CARD14: variants seen among roughly 807,000 people sequenced by gnomAD.
The protein encoded by CARD14 is caspase recruitment domain family member 14, also known as caspase recruitment domain-containing protein 14.
In CARD14, 107 loss-of-function variants were observed where a neutral mutation model predicts 111.5. The ratio of observed to expected loss-of-function variants is 0.96; its 90% CI spans 0.82 to 1.13. The LOEUF (loss-of-function observed/expected upper bound fraction) is 1.13, where lower values mean the gene tolerates loss of function less well. Among genes scored for constraint, CARD14 ranks in the 50% most tolerant of loss-of-function variants. The probability of loss-of-function intolerance (pLI) is 0.00; values close to 1 mark genes in which losing one functional copy is unlikely to be tolerated. For missense variants in CARD14, 1,322 were observed against 1,362.3 expected, an observed-to-expected ratio of 0.97 and a Z score of 0.47; for synonymous variants, 617 against 579.6, an observed-to-expected ratio of 1.06 and a Z score of -0.93.
At chr17:80,170,567 G>A (rs1375363607) in intron 1 of CARD14, 1 of 152,180 alleles carries the variant, frequency 6.6e-6, no homozygotes, top group Non-Finnish European at 1.5e-5. Context: ...GTGTGCGTGT[G>A]TGTATGTGTA....
Position 80,192,628 on chromosome 17 carries a change from G to A in CARD14, c.1356+9G>A, listed in dbSNP as rs753179047. 104 of 1,598,712 alleles carry A rather than the reference G, an allele frequency of 6.5e-5. No individual in the cohort carries two copies. Among genetic ancestry groups the A allele is most frequent in the Non-Finnish European group, 7.9e-5 (92 of 1,168,272 alleles). ...TCGTCAGCTCCACAGAGGTACGGCC[G>A]CTCCTCCCGCCTCCCTCACTGCCTT... On this transcript the variant is annotated intron_variant, in intron 12 of 23. Coordinates refer to ENST00000648509, the MANE Select transcript of CARD14 (RefSeq NM_001366385.1).
Position 80,205,600 on chromosome 17 carries a change from C to T in CARD14, c.2639C>T (p.Ser880Phe). ...GACATCATCCAGGAGGGAGAGGTGT[C>T]CGGGGGCCGCTGCTGGGTGACCCGC... ...RGDIIQEGEV[S>F]GGRCWVTRHA... Residue 880 changes from serine to phenylalanine, a missense_variant, in exon 22 of 24, where the codon TCC (serine) becomes TTC (phenylalanine). Transcript: ENST00000648509. 1.3e-6 allele frequency: 2 copies of T among 1,568,958 alleles called. No individual in the cohort carries two copies. Among genetic ancestry groups the T allele is most frequent in the Non-Finnish European group, 1.7e-6 (2 of 1,156,288 alleles).
rs1174334676 is a variant in CARD14, at chr17:80,205,138, CA to C, written c.2503del (p.Arg835GlyfsTer7). 1 of 1,613,722 alleles carries C rather than the reference CA, an allele frequency of 6.2e-7. No individual in the cohort carries two copies. The highest frequency in any genetic ancestry group is 1.3e-5 in the African/African-American group (1 of 74,928). ...ARPRPVLLVP[R>X]AVGKILSEKL... ...GGCCCCGGCCTGTGCTCCTCGTGCC[CA>C]GGGCGGTTGGGAAGATCCTGAGCGA... On this transcript the variant is annotated frameshift_variant, in exon 21 of 24. Coordinates refer to ENST00000648509, the MANE Select transcript of CARD14 (RefSeq NM_001366385.1). LOFTEE classifies it high-confidence loss of function.
intron 7 of CARD14, among the ~76,000 whole-genome samples, chr17:80,186,208 C>T (rs983968298): frequency 3.3e-5 from 5 of 152,106 alleles, no homozygotes; most frequent in African/African-American, 1.2e-4. Context: ...TTCCCTTCTC[C>T]CTTGGCTGAC....
At chr17:80,199,158 T>G (rs2040840429) in intron 16 of CARD14, among the ~76,000 whole-genome samples, 1 of 151,998 alleles carries the variant, frequency 6.6e-6, no homozygotes, top group Non-Finnish European at 1.5e-5. Context: ...TTTGTTGTTG[T>G]TACGAAACGC....
Position 80,201,682 on chromosome 17 carries a change from T to G in CARD14, c.1852-62T>G. 6.2e-7 allele frequency: 1 copy of G among 1,600,580 alleles called. No homozygotes were observed. On this transcript the variant is annotated intron_variant, in intron 16 of 23. Coordinates refer to ENST00000648509, the MANE Select transcript of CARD14 (RefSeq NM_001366385.1). This position sits in a 1 kb window ranked among gnomAD's most constrained non-coding sequence, Gnocchi z 5.0. ...TCGCCTCAGTGCCCTCAGCGCCTTC[T>G]GTCTTCTGGCTGGATTCAGAGTCCC...
rs763985273 is a variant in CARD14, at chr17:80,207,042, G to A, written c.2764G>A (p.Val922Ile). 6 of 1,613,944 alleles carry A rather than the reference G, an allele frequency of 3.7e-6. No individual in the cohort carries two copies. The highest frequency in any genetic ancestry group is 3.3e-5 in the Admixed American group (2 of 60,010). Residue 922 changes from valine to isoleucine, a missense_variant, in exon 23 of 24, where the codon GTC (valine) becomes ATC (isoleucine). Val to Ile is a conservative substitution (Grantham distance 29). Transcript: ENST00000648509. ...TLHRMDIFPI[V>I]IHVSVNEKMA... ...GCACAGGATGGACATCTTCCCCATC[G>A]TCATCCACGTCTCTGTCAACGAGAA...
chr17:80,172,602 C>T (rs550973735), intron 1 of CARD14, among the ~76,000 whole-genome samples: 8 of 152,118 alleles, frequency 5.3e-5, no homozygotes, highest in Non-Finnish European at 1.0e-4. Flanking sequence ...TGGAGGAGCT[C>T]GGCGTCGGCG....
intron 12 of CARD14, among the ~76,000 whole-genome samples, chr17:80,194,284 GT>G (rs1942657494): frequency 6.6e-6 from 1 of 152,126 alleles, no homozygotes; most frequent in Non-Finnish European, 1.5e-5. Flanking sequence ...ACGGGTGCCC[GT>G]TGGTTCCCCC....
intron 7 of CARD14, among the ~76,000 whole-genome samples, chr17:80,186,212 G>A (rs535721185): frequency 6.6e-6 from 1 of 152,162 alleles, no homozygotes; most frequent in African/African-American, 2.4e-5. Flanking sequence ...CTTCTCCCTT[G>A]GCTGACTTTG....
In CARD14 at chr17:80,202,316, C is replaced by T. The variant is rs1394683550; in HGVS notation, c.2115C>T (p.Val705=). The stretch of plus-strand genomic sequence containing the variant: ...TGCATTGCAACGAGGTCCTGCACGT[C>T]ACCGACACCATGTTCCAGGGCTGCG... ...LQVHCNEVLH[V]TDTMFQGCGC... is the part of the protein sequence containing the mutation. The change falls in exon 18 of 24, where the codon GTC becomes GTT. Residue 705 remains valine, a synonymous_variant. Transcript: ENST00000648509. 6.2e-7 allele frequency: 1 copy of T among 1,613,616 alleles called. No individual in the cohort carries two copies. Among genetic ancestry groups the T allele is most frequent in the Non-Finnish European group, 8.5e-7 (1 of 1,180,040 alleles).
chr17:80,208,562 A>C lies in CARD14; in HGVS notation c.*217A>C. 2.0e-6 allele frequency: 1 copy of C among 496,820 alleles called. No homozygotes were observed. Among genetic ancestry groups the C allele is most frequent in the Non-Finnish European group, 3.5e-6 (1 of 282,826 alleles). The allele number at this position is 496,820 out of a possible 1,614,324, so 30.8% of individuals were successfully genotyped here. On this transcript the variant is annotated 3_prime_UTR_variant, in exon 24 of 24. Transcript: ENST00000648509. ...CACACTTTTCTGTGGAAACATCTTCACCCTTTACCAGGCTTGGCATGGTCT... is the reference window on the plus strand; with the variant it reads ...CACACTTTTCTGTGGAAACATCTTCCCCCTTTACCAGGCTTGGCATGGTCT...
intron 9 of CARD14, among the ~76,000 whole-genome samples, chr17:80,190,192 G>A (rs533291093): frequency 2.6e-5 from 4 of 152,282 alleles, no homozygotes; most frequent in Admixed American, 6.5e-5. Flanking sequence ...AGGACAGGGA[G>A]GGAAAATTGT....
At chr17:80,196,644 T>C (rs1487758060) in intron 14 of CARD14, 1 of 152,216 alleles carries the variant, frequency 6.6e-6, no homozygotes, top group African/African-American at 2.4e-5. Flanking sequence ...AGAGTGAGAC[T>C]TGCAGCCGTC....
chr17:80,174,893 G>A lies in CARD14; in HGVS notation c.-367+1665G>A, dbSNP rs8066858. Among the ~76,000 whole-genome samples the A allele has an allele frequency of 8.9e-3, 1,348 of 152,280 alleles. 11 individuals are homozygous for A. Among genetic ancestry groups the A allele is most frequent in the South Asian group, 0.042 (203 of 4,826 alleles). On this transcript the variant is annotated intron_variant, in intron 2 of 23. Coordinates refer to ENST00000648509, the MANE Select transcript of CARD14 (RefSeq NM_001366385.1). Reference sequence around the variant, plus strand: ...CTCTTCCCGCAGTCTGTCCCTAAGGGTTGCGCTGGCACCTGTGCCCCCAGT... The same window carrying A: ...CTCTTCCCGCAGTCTGTCCCTAAGGATTGCGCTGGCACCTGTGCCCCCAGT...
chr17:80,189,163 C>A lies in CARD14; in HGVS notation c.844-590C>A, dbSNP rs756479310. Among the ~76,000 whole-genome samples the A allele has an allele frequency of 6.6e-6, 1 of 152,096 alleles. No homozygotes were observed. The highest frequency in any genetic ancestry group is 1.5e-5 in the Non-Finnish European group (1 of 68,028). On this transcript the variant is annotated intron_variant, in intron 8 of 23. Transcript: ENST00000648509. This position sits in a 1 kb window ranked among gnomAD's most constrained non-coding sequence, Gnocchi z 4.7. ...GGCCAATTGTAAAGCATGGGATTCG[C>A]GTTAAGGATGGGGGAAAGAAACCTT... is the stretch of plus-strand genomic sequence containing the variant.
chr17:80,183,115 C>T (rs2040225097), intron 6 of CARD14, among the ~76,000 whole-genome samples: 1 of 152,234 alleles, frequency 6.6e-6, no homozygotes, highest in Admixed American at 6.5e-5. Context: ...TGGAGTCCGC[C>T]TTTAACCTTG....
Position 80,202,251 on chromosome 17 carries a change from A to G in CARD14, c.2050A>G (p.Asn684Asp). ...TSGDSFYIRV[N>D]LAMEGRAKGE... ...GGGGGACTCATTCTACATCCGGGTC[A>G]ACCTGGCCATGGAGGGCAGGGCCAA... Residue 684 changes from asparagine (N) to aspartate (D), a missense_variant, in exon 18 of 24, where the codon AAC becomes GAC. Coordinates refer to ENST00000648509, the MANE Select transcript of CARD14 (RefSeq NM_001366385.1). 1 of 1,614,030 alleles carries G rather than the reference A, an allele frequency of 6.2e-7. No homozygotes were observed. Among genetic ancestry groups the G allele is most frequent in the Non-Finnish European group, 8.5e-7 (1 of 1,180,042 alleles).
chr17:80,182,296 C>G lies in CARD14; in HGVS notation c.212-357C>G, dbSNP rs930318595. The stretch of plus-strand genomic sequence containing the variant: ...AAGCTGACAGCACCGTGGTGGGACC[C>G]TGCGTCTGCATCACCCACCAGCTTG... On this transcript the variant is annotated intron_variant, in intron 5 of 23. Transcript: ENST00000648509. This position sits in a 1 kb window ranked among gnomAD's most constrained non-coding sequence, Gnocchi z 4.7. Among the ~76,000 whole-genome samples the G allele has an allele frequency of 6.6e-6, 1 of 152,314 alleles. No homozygotes were observed. The highest frequency in any genetic ancestry group is 1.5e-5 in the Non-Finnish European group (1 of 68,026).
Sources: gnomAD v4.1 joint callset for allele counts (sites outside exome capture counted in the v4.1 genomes callset) on GRCh38, gnomAD v4.1.1 for gene constraint, Gnocchi (gnomAD v3.1) non-coding constraint, MANE v1.5 for transcripts, NCBI Gene and HGNC (gene_info 2026-07-23, HGNC 2026-07-21) for gene names.